Variants in INPP4B observed in about 807,000 individuals in gnomAD.
INPP4B encodes the protein inositol polyphosphate 4-phosphatase type II.
INPP4B carries 55 observed loss-of-function variants against 122.5 expected under a neutral mutation model. That is an observed-to-expected ratio of 0.45 (90% CI 0.36 to 0.56). The LOEUF is 0.56. INPP4B is among the 20% of genes least tolerant of loss of function. The pLI, the probability that INPP4B is intolerant of heterozygous loss-of-function variation, is 0.00. For synonymous variants in INPP4B, 403 were observed against 388.7 expected, an observed-to-expected ratio of 1.04 and a Z score of -0.43; for missense variants, 1,000 against 1,097.7, an observed-to-expected ratio of 0.91 and a Z score of 1.26.
chr4:142,749,140 A>AAT (rs756378787), intron 1 of INPP4B, among the ~76,000 whole-genome samples: 3,200 of 146,908 alleles, frequency 0.022, 54 homozygotes, highest in Middle Eastern at 0.058. Flanking sequence ...CTCTGTCTCA[A>AAT]ATATATATAT....
chr4:142,735,013 G>A (rs1384128261), intron 1 of INPP4B, among the ~76,000 whole-genome samples: 1 of 152,128 alleles, frequency 6.6e-6, no homozygotes, highest in African/African-American at 2.4e-5. Context: ...CAATCTGCAG[G>A]TGTTCTTCAT....
intron 18 of INPP4B, among the ~76,000 whole-genome samples, chr4:142,138,973 A>T (rs568954519): frequency 4.6e-5 from 7 of 152,102 alleles, no homozygotes; most frequent in Non-Finnish European, 7.4e-5. Context: ...CATTTTATCC[A>T]GTTTAATCTA....
chr4:142,789,702 A>G (rs1052066853), intron 1 of INPP4B, among the ~76,000 whole-genome samples: 10 of 152,214 alleles, frequency 6.6e-5, no homozygotes, highest in African/African-American at 2.4e-4. Flanking sequence ...CCATCAAAAT[A>G]CCATCAACAT....
intron 7 of INPP4B, among the ~76,000 whole-genome samples, chr4:142,394,194 A>G (rs1395960625): frequency 6.6e-6 from 1 of 152,092 alleles, no homozygotes; most frequent in African/African-American, 2.4e-5. Flanking sequence ...CGCCCAGGGT[A>G]GAGTGCTGGG....
chr4:142,394,563 T>G (rs1798750908), intron 7 of INPP4B, among the ~76,000 whole-genome samples: 1 of 152,234 alleles, frequency 6.6e-6, no homozygotes, highest in African/African-American at 2.4e-5. Flanking sequence ...ATTTCCCTGA[T>G]GATTTGTGAT....
intron 1 of INPP4B, among the ~76,000 whole-genome samples, chr4:142,812,544 A>C: frequency 6.6e-6 from 1 of 152,132 alleles, no homozygotes; most frequent in East Asian, 1.9e-4. Context: ...TGCCTACTGT[A>C]TTGTAATGGA....
chr4:142,579,971 T>C (rs1734717339), intron 2 of INPP4B, among the ~76,000 whole-genome samples: 1 of 151,658 alleles, frequency 6.6e-6, no homozygotes, highest in Non-Finnish European at 1.5e-5. Context: ...GAAACTCTAA[T>C]ACATAGAAAC....
intron 2 of INPP4B, among the ~76,000 whole-genome samples, chr4:142,703,408 T>C (rs180984583): frequency 9.1e-4 from 138 of 152,312 alleles, no homozygotes; most frequent in Non-Finnish European, 1.6e-3. Flanking sequence ...ATGGCAGAAG[T>C]ACTATTAAAG....
chr4:142,679,782 T>C (rs886636748), intron 2 of INPP4B, among the ~76,000 whole-genome samples: 1 of 151,752 alleles, frequency 6.6e-6, no homozygotes, highest in Admixed American at 6.6e-5. Context: ...GATTCAATGC[T>C]TACTCAGGAA....
intron 1 of INPP4B, among the ~76,000 whole-genome samples, chr4:142,767,261 C>A (rs1484126641): frequency 6.6e-6 from 1 of 152,134 alleles, no homozygotes; most frequent in Non-Finnish European, 1.5e-5. Flanking sequence ...AGTGGGAATT[C>A]ATTTGAAAGA....
chr4:142,368,972 C>T (rs754200825), intron 7 of INPP4B, among the ~76,000 whole-genome samples: 1 of 151,666 alleles, frequency 6.6e-6, no homozygotes, highest in Non-Finnish European at 1.5e-5. Context: ...GGAGCTTGGG[C>T]ATTTCTCTAC....
intron 1 of INPP4B, among the ~76,000 whole-genome samples, chr4:142,768,562 A>G (rs1470746622): frequency 6.6e-6 from 1 of 152,204 alleles, no homozygotes; most frequent in East Asian, 1.9e-4. Flanking sequence ...AAGGCAGTGA[A>G]GGCATTGACT....
At chr4:142,065,495 T>C (rs910507826) in intron 25 of INPP4B, among the ~76,000 whole-genome samples, 4 of 152,128 alleles carry the variant, frequency 2.6e-5, no homozygotes, top group African/African-American at 7.2e-5. Context: ...TGGGAATGAC[T>C]GCACAGAATA....
chr4:142,056,320 T>C (rs1409506260), intron 25 of INPP4B, among the ~76,000 whole-genome samples: 1 of 152,144 alleles, frequency 6.6e-6, no homozygotes, highest in East Asian at 1.9e-4. Context: ...TTTTCTTTTA[T>C]GTGAGAGAGG....
intron 16 of INPP4B, among the ~76,000 whole-genome samples, chr4:142,163,143 C>T (rs1820954464): frequency 6.6e-6 from 1 of 151,748 alleles, no homozygotes; most frequent in Non-Finnish European, 1.5e-5. Context: ...CTTTTGCTTT[C>T]CCATGGTTTC....
intron 3 of INPP4B, among the ~76,000 whole-genome samples, chr4:142,445,942 G>A (rs1812826519): frequency 6.6e-6 from 1 of 151,892 alleles, no homozygotes; most frequent in Non-Finnish European, 1.5e-5. Flanking sequence ...AATTGATAAA[G>A]CAAAAAGAAA....
At chr4:142,135,369 C>T (rs1803510816) in intron 18 of INPP4B, among the ~76,000 whole-genome samples, 1 of 152,010 alleles carries the variant, frequency 6.6e-6, no homozygotes, top group East Asian at 1.9e-4. Flanking sequence ...ATATGGCCTA[C>T]AAATTTTATG....
intron 1 of INPP4B, among the ~76,000 whole-genome samples, chr4:142,838,370 AAAAG>A (rs985414781): frequency 7.9e-5 from 12 of 152,160 alleles, no homozygotes; most frequent in African/African-American, 2.9e-4. Flanking sequence ...GTAGGAAAAA[AAAAG>A]AAAGAAATCC....
At chr4:142,257,689 C>A (rs1172001050) in intron 11 of INPP4B, among the ~76,000 whole-genome samples, 1 of 152,140 alleles carries the variant, frequency 6.6e-6, no homozygotes, top group Non-Finnish European at 1.5e-5. Context: ...CAAACCACTG[C>A]TCAAGGAAAT....
Sources: allele counts gnomAD v4.1 joint callset (sites outside exome capture counted in the v4.1 genomes callset), GRCh38; gene constraint gnomAD v4.1.1; transcripts MANE v1.5; gene names NCBI Gene and HGNC (gene_info 2026-07-23, HGNC 2026-07-21).